The following RBFOX1 variants were observed in gnomAD, a reference collection of about 807,000 sequenced individuals.
RBFOX1 encodes RNA binding fox-1 homolog 1, also known as RNA binding protein fox-1 homolog 1.
Under a neutral mutation model 57.7 loss-of-function variants are expected in RBFOX1, and 8 were observed. The observed-to-expected ratio is 0.14, with a 90% CI of 0.08 to 0.25. The LOEUF (loss-of-function observed/expected upper bound fraction) is 0.25, where lower values mean the gene tolerates loss of function less well. Ranked by LOEUF, RBFOX1 falls within the 10% of genes least tolerant of loss-of-function variation. The pLI is 1.00. For missense variants in RBFOX1, 611 were observed against 548.5 expected (o/e 1.11, Z -1.14); for synonymous variants, 326 against 222.4 (o/e 1.47, Z -4.15).
chr16:7,511,610 A>G (rs898823134), intron 4 of RBFOX1, among the ~76,000 whole-genome samples: 1 of 151,904 alleles, frequency 6.6e-6, no homozygotes, highest in Non-Finnish European at 1.5e-5. Context: ...AAATATTTAA[A>G]TTGAAATGAC....
At chr16:7,492,365 T>C (rs2067215563) in intron 4 of RBFOX1, among the ~76,000 whole-genome samples, 1 of 152,146 alleles carries the variant, frequency 6.6e-6, no homozygotes, top group South Asian at 2.1e-4. Context: ...GATGTGGTGA[T>C]TGTATTTAAA....
At chr16:6,319,251 C>T (rs141802434) in intron 2 of RBFOX1, among the ~76,000 whole-genome samples, 4 of 152,244 alleles carry the variant, frequency 2.6e-5, no homozygotes, top group East Asian at 3.9e-4. Flanking sequence ...TTGATATGTC[C>T]ATTGGCTTCA....
intron 11 of RBFOX1, among the ~76,000 whole-genome samples, chr16:7,653,407 G>A (rs1486794558): frequency 6.6e-6 from 1 of 152,164 alleles, no homozygotes; most frequent in African/African-American, 2.4e-5. Context: ...TTGGGAGGCT[G>A]AGGTAGGAGG....
At chr16:6,057,825 G>GTTGT (rs2095633084) in intron 1 of RBFOX1, among the ~76,000 whole-genome samples, 4 of 81,124 alleles carry the variant, frequency 4.9e-5, no homozygotes, top group Non-Finnish European at 8.7e-5. Context: ...TTTGCTATGG[G>GTTGT]TTTTTTTTTT....
intron 7 of RBFOX1, among the ~76,000 whole-genome samples, chr16:7,589,070 A>G (rs1343409703): frequency 6.6e-6 from 1 of 152,166 alleles, no homozygotes; most frequent in Non-Finnish European, 1.5e-5. Context: ...TACGGGGACT[A>G]TTGCTATACC....
At chr16:5,424,932 TTTC>T in intron 1 of RBFOX1, among the ~76,000 whole-genome samples, 1 of 120,756 alleles carries the variant, frequency 8.3e-6, no homozygotes, top group East Asian at 2.5e-4. Flanking sequence ...TCTTTCTTTC[TTTC>T]TCTCTCTTCT....
chr16:7,405,242 G>C (rs142618988), intron 4 of RBFOX1, among the ~76,000 whole-genome samples: 5 of 152,322 alleles, frequency 3.3e-5, no homozygotes, highest in African/African-American at 1.2e-4. Context: ...GAAAACAGCA[G>C]AAATTAGCAC....
intron 4 of RBFOX1, among the ~76,000 whole-genome samples, chr16:7,242,046 A>G (rs1179828902): frequency 6.6e-6 from 1 of 152,116 alleles, no homozygotes; most frequent in Non-Finnish European, 1.5e-5. Context: ...ACTAGATGCT[A>G]TTACCATAGG....
At chr16:5,690,307 C>G (rs1351384793) in intron 3 of RBFOX1, among the ~76,000 whole-genome samples, 1 of 152,194 alleles carries the variant, frequency 6.6e-6, no homozygotes, top group African/African-American at 2.4e-5. Context: ...ATTGCATCCT[C>G]TCCTGAAAGG....
chr16:6,212,879 A>G (rs571983197), intron 1 of RBFOX1, among the ~76,000 whole-genome samples: 2 of 152,238 alleles, frequency 1.3e-5, no homozygotes, highest in African/African-American at 4.8e-5. Context: ...ACCAATAGTA[A>G]AAAAAAGTCT....
chr16:6,743,875 C>G (rs985558817), intron 3 of RBFOX1, among the ~76,000 whole-genome samples: 10 of 149,194 alleles, frequency 6.7e-5, no homozygotes, highest in African/African-American at 2.3e-4. Context: ...ACACATTTTC[C>G]TATACATTAA....
chr16:6,569,091 G>A (rs1361489007), intron 2 of RBFOX1, among the ~76,000 whole-genome samples: 3 of 152,146 alleles, frequency 2.0e-5, no homozygotes, highest in Admixed American at 6.5e-5. Context: ...TACAGATTCT[G>A]GTGTCAGCAG....
chr16:5,910,324 C>T (rs1006013558), intron 4 of RBFOX1, among the ~76,000 whole-genome samples: 1 of 152,126 alleles, frequency 6.6e-6, no homozygotes, highest in Non-Finnish European at 1.5e-5. Context: ...TTCCCTGCCT[C>T]CATAGCACCC....
chr16:7,037,483 G>C (rs1020455055), intron 3 of RBFOX1, among the ~76,000 whole-genome samples: 1 of 151,996 alleles, frequency 6.6e-6, no homozygotes, highest in South Asian at 2.1e-4. Context: ...TTGTGATGCT[G>C]TCTGCTAAAT....
At chr16:6,629,328 A>G (rs2098353610) in intron 2 of RBFOX1, among the ~76,000 whole-genome samples, 1 of 152,236 alleles carries the variant, frequency 6.6e-6, no homozygotes, top group South Asian at 2.1e-4. Context: ...AACGTCCAAG[A>G]TAAATGGAAA....
chr16:7,033,204 C>A (rs746872041), intron 3 of RBFOX1, among the ~76,000 whole-genome samples: 25 of 152,146 alleles, frequency 1.6e-4, no homozygotes, highest in Non-Finnish European at 2.8e-4. Context: ...GGAGACCACC[C>A]GTGCCTTACC....
rs183268172 is a variant in RBFOX1 at position 7,528,578 on chromosome 16, C to T, written c.270+10189C>T. ...CTGCAGCCTGAAACTCCTGGGGCTC[C>T]AGTGATCCTCCTGCCTCAATAGCAG... On this transcript the variant is annotated intron_variant, in intron 5 of 15. Transcript: ENST00000550418. 7.2e-5 allele frequency among the ~76,000 whole-genome samples: 11 copies of T among 152,228 alleles called. No individual in the cohort carries two copies. In the East Asian group the frequency reaches 2.1e-3, roughly 29 times the overall value.
intron 4 of RBFOX1, among the ~76,000 whole-genome samples, chr16:7,132,697 G>T (rs1015747373): frequency 6.6e-6 from 1 of 151,834 alleles, no homozygotes; most frequent in African/African-American, 2.4e-5. Context: ...GATATTCCTT[G>T]AGGAAATTAT....
intron 4 of RBFOX1, among the ~76,000 whole-genome samples, chr16:7,145,822 C>G (rs947842856): frequency 6.6e-6 from 1 of 152,214 alleles, no homozygotes; most frequent in African/African-American, 2.4e-5. Flanking sequence ...CGCACACACA[C>G]TACTTCTCCA....
Sources: gnomAD v4.1 joint callset for allele counts (sites outside exome capture counted in the v4.1 genomes callset) on GRCh38, gnomAD v4.1.1 for gene constraint, MANE v1.5 for transcripts, NCBI Gene and HGNC (gene_info 2026-07-23, HGNC 2026-07-21) for gene names.